The following THSD4 variants were observed in gnomAD, a reference collection of about 807,000 sequenced individuals.
THSD4 encodes thrombospondin type-1 domain-containing protein 4.
In THSD4, 69 loss-of-function variants were observed where a neutral mutation model predicts 119.0. That is an observed-to-expected ratio of 0.58 (90% confidence interval 0.48 to 0.71). The LOEUF is 0.71. THSD4 is among the 30% of genes least tolerant of loss of function. The pLI is 0.00. For synonymous variants in THSD4, 524 were observed against 540.4 expected (o/e 0.97, Z 0.42); for missense variants, 1,393 against 1,391.1 (o/e 1.00, Z -0.02).
chr15:71,230,747 C>T (rs2044054067), intron 4 of THSD4, among the ~76,000 whole-genome samples: 6 of 152,198 alleles, frequency 3.9e-5, no homozygotes, highest in Admixed American at 3.9e-4. Flanking sequence ...TTGCCCAGCA[C>T]AAAATACAGC....
At chr15:71,161,454 A>G (rs2043249035) in intron 3 of THSD4, among the ~76,000 whole-genome samples, 1 of 152,062 alleles carries the variant, frequency 6.6e-6, no homozygotes, top group Non-Finnish European at 1.5e-5. Flanking sequence ...ACGTATTTAT[A>G]ATGATTATAT....
rs144747382 is a variant in THSD4, at chr15:71,424,699, T to A, written c.1152+12876T>A. 1.4e-4 allele frequency among the ~76,000 whole-genome samples: 21 copies of A among 152,340 alleles called. No individual in the cohort carries two copies. The East Asian group carries it at 3.3e-3, about 24-fold the overall frequency. On this transcript the variant is annotated intron_variant, in intron 7 of 17. Transcript: ENST00000261862. ...GTCTAATTAACAGAGAGCACGATTA[T>A]AATTTCTATTATTAAACATCACATT...
At chr15:71,708,825 A>G (rs2052446830) in intron 8 of THSD4, among the ~76,000 whole-genome samples, 1 of 152,190 alleles carries the variant, frequency 6.6e-6, no homozygotes, top group Admixed American at 6.5e-5. Context: ...GTGAGGGGCA[A>G]ATAGCGTTGC....
upstream of THSD4, chr15:71,112,266 G>C: frequency 1.3e-6 from 2 of 1,567,126 alleles, no homozygotes; most frequent in Non-Finnish European, 1.7e-6. Flanking sequence ...TCTTCTATAG[G>C]ATGTCGTATG....
chr15:71,594,344 G>T (rs2049867281), intron 7 of THSD4, among the ~76,000 whole-genome samples: 1 of 151,984 alleles, frequency 6.6e-6, no homozygotes, highest in Non-Finnish European at 1.5e-5. Flanking sequence ...CAGTAGCTGA[G>T]ATTACAGGCA....
intron 7 of THSD4, among the ~76,000 whole-genome samples, chr15:71,440,338 TC>T (rs1488149375): frequency 6.6e-6 from 1 of 152,244 alleles, no homozygotes; most frequent in Non-Finnish European, 1.5e-5. Context: ...CCTTTGAGTT[TC>T]AAGTCAGTTT....
At chr15:71,526,876 C>T (rs1355170319) in intron 7 of THSD4, among the ~76,000 whole-genome samples, 1 of 152,098 alleles carries the variant, frequency 6.6e-6, no homozygotes, top group Non-Finnish European at 1.5e-5. Flanking sequence ...GAGTGTGGCA[C>T]AGAATGAGGC....
chr15:71,623,428 T>A (rs2050453571), intron 7 of THSD4, among the ~76,000 whole-genome samples: 1 of 152,210 alleles, frequency 6.6e-6, no homozygotes, highest in African/African-American at 2.4e-5. Flanking sequence ...TAAAAGTATT[T>A]CCCGTAAGTA....
intron 6 of THSD4, among the ~76,000 whole-genome samples, chr15:71,382,098 G>A (rs991740553): frequency 1.3e-5 from 2 of 151,962 alleles, no homozygotes; most frequent in African/African-American, 2.4e-5. Context: ...TGACAATAAG[G>A]TATTTTAAGG....
intron 7 of THSD4, among the ~76,000 whole-genome samples, chr15:71,471,889 C>T (rs1359128828): frequency 2.0e-5 from 3 of 152,046 alleles, no homozygotes; most frequent in African/African-American, 7.2e-5. Flanking sequence ...TGGCCACATC[C>T]AACCATGTGA....
At chr15:71,197,092 G>C (rs887301072) in intron 3 of THSD4, among the ~76,000 whole-genome samples, 2 of 152,302 alleles carry the variant, frequency 1.3e-5, no homozygotes, top group Admixed American at 6.5e-5. Context: ...TCTTAAAACA[G>C]ACCTGGGTCG....
At chr15:71,505,781 A>C (rs1323518164) in intron 7 of THSD4, among the ~76,000 whole-genome samples, 1 of 152,216 alleles carries the variant, frequency 6.6e-6, no homozygotes, top group Non-Finnish European at 1.5e-5. Context: ...AAGTGTCAGA[A>C]GCTCTTGGCG....
chr15:71,536,260 T>C (rs2048687496), intron 7 of THSD4, among the ~76,000 whole-genome samples: 1 of 152,230 alleles, frequency 6.6e-6, no homozygotes, highest in Non-Finnish European at 1.5e-5. Context: ...CTTCTGGCTC[T>C]TTCCAGCTTC....
At chr15:71,764,956 T>TG in intron 15 of THSD4, 64 bp from the exon 16 acceptor site, 1 of 1,552,488 alleles carries the variant, frequency 6.4e-7, no homozygotes, top group Non-Finnish European at 8.7e-7. Context: ...CATCCCTTGA[T>TG]GGACAGTAGC....
Position 71,691,511 on chromosome 15 carries a change from G to A in THSD4, c.1357+30777G>A, listed in dbSNP as rs2141051850. 2.0e-5 allele frequency among the ~76,000 whole-genome samples: 3 copies of A among 152,348 alleles called. 1 individual carries two copies. The East Asian group carries it at 5.8e-4, about 29-fold the overall frequency. On this transcript the variant is annotated intron_variant, in intron 8 of 17. Coordinates refer to ENST00000261862, the MANE Select transcript of THSD4 (RefSeq NM_024817.3). Reference sequence around the variant, plus strand: ...AGACGTTGGATCGAGGCAGAGCTGAGTGAGGCAGTGCCATCACTTTCTGGC... The same window carrying A: ...AGACGTTGGATCGAGGCAGAGCTGAATGAGGCAGTGCCATCACTTTCTGGC...
intron 1 of THSD4, among the ~76,000 whole-genome samples, chr15:71,136,722 C>T (rs545966753): frequency 1.3e-5 from 2 of 152,030 alleles, no homozygotes; most frequent in South Asian, 4.2e-4. Context: ...TCCTGAACCC[C>T]GACTTGAGAG....
At chr15:71,673,336 C>T (rs952023971) in intron 8 of THSD4, among the ~76,000 whole-genome samples, 1 of 151,910 alleles carries the variant, frequency 6.6e-6, no homozygotes, top group African/African-American at 2.4e-5. Flanking sequence ...GTGGTGATAT[C>T]CCCTCTATCA....
chr15:71,502,009 C>T (rs1461495188), intron 7 of THSD4, among the ~76,000 whole-genome samples: 1 of 152,206 alleles, frequency 6.6e-6, no homozygotes, highest in Non-Finnish European at 1.5e-5. Flanking sequence ...AAATATAAAA[C>T]TGAGAATGAG....
upstream of THSD4, chr15:71,110,739 C>A: frequency 5.4e-6 from 1 of 186,258 alleles, no homozygotes; most frequent in Non-Finnish European, 1.1e-5. Flanking sequence ...TCCTCAGGGT[C>A]TTTGCAAAGG....
Sources: allele counts gnomAD v4.1 joint callset (sites outside exome capture counted in the v4.1 genomes callset), GRCh38; gene constraint gnomAD v4.1.1; transcripts MANE v1.5; gene names NCBI Gene and HGNC (gene_info 2026-07-23, HGNC 2026-07-21).